Variants in SLCO3A1 observed in about 807,000 individuals in gnomAD.
SLCO3A1 encodes the protein solute carrier organic anion transporter family member 3A1.
Under a neutral mutation model 63.1 loss-of-function variants are expected in SLCO3A1, and 27 were observed. That is an observed-to-expected ratio of 0.43 (90% CI 0.32 to 0.59). The LOEUF (loss-of-function observed/expected upper bound fraction) is 0.59. SLCO3A1 is among the 20% of genes least tolerant of loss of function. SLCO3A1 has a pLI of 0.09. For synonymous variants in SLCO3A1, 473 were observed against 409.9 expected (o/e 1.15, Z -1.86); for missense variants, 773 against 945.8 (o/e 0.82, Z 2.40).
At chr15:92,149,984 C>T (rs781308409) in intron 8 of SLCO3A1, among the ~76,000 whole-genome samples, 1 of 152,178 alleles carries the variant, frequency 6.6e-6, no homozygotes, top group Non-Finnish European at 1.5e-5. Flanking sequence ...CTAAAGGGTG[C>T]TGACTGTGTT....
intron 2 of SLCO3A1, among the ~76,000 whole-genome samples, chr15:91,961,551 A>G (rs867829124): frequency 2.0e-5 from 3 of 152,156 alleles, no homozygotes; most frequent in East Asian, 1.9e-4. Flanking sequence ...CATATCTCAC[A>G]CTCATAGGCA....
chr15:92,010,843 C>A (rs2046361093), intron 2 of SLCO3A1, among the ~76,000 whole-genome samples: 1 of 152,196 alleles, frequency 6.6e-6, no homozygotes, highest in African/African-American at 2.4e-5. Context: ...ATGATCCAAT[C>A]AACTTTGTTC....
In SLCO3A1 at chr15:91,874,514, G is replaced by T. The variant is rs774787328; in HGVS notation, c.180+20426G>T. ...TACAGTGTTTGTCCTTTTGCAACGGGCTTGTTTCAGTCAGCATAATGTCCT... is the reference window on the plus strand; with the variant it reads ...TACAGTGTTTGTCCTTTTGCAACGGTCTTGTTTCAGTCAGCATAATGTCCT... On this transcript the variant is annotated intron_variant, in intron 1 of 9. Transcript: ENST00000318445. 2.0e-5 allele frequency among the ~76,000 whole-genome samples: 3 copies of T among 152,264 alleles called. No homozygotes were observed. The East Asian group carries it at 5.8e-4, about 29-fold the overall frequency.
At chr15:91,915,630 C>A (rs531256383) in intron 1 of SLCO3A1, among the ~76,000 whole-genome samples, 1 of 152,088 alleles carries the variant, frequency 6.6e-6, no homozygotes, top group Non-Finnish European at 1.5e-5. Flanking sequence ...GTGTGCAAAC[C>A]GCGCACTTCA....
At chr15:91,930,321 G>A (rs1267836068) in intron 2 of SLCO3A1, among the ~76,000 whole-genome samples, 1 of 152,154 alleles carries the variant, frequency 6.6e-6, no homozygotes, top group Non-Finnish European at 1.5e-5. Flanking sequence ...AATCCAGCCT[G>A]TCTCCAAGTT....
chr15:91,967,342 A>T lies in SLCO3A1; in HGVS notation c.646+50884A>T, dbSNP rs1439098498. Among the ~76,000 whole-genome samples, 1 of 152,204 alleles carries T rather than the reference A, an allele frequency of 6.6e-6. No individual in the cohort carries two copies. Among genetic ancestry groups the T allele is most frequent in the African/African-American group, 2.4e-5 (1 of 41,460 alleles). On this transcript the variant is annotated intron_variant, in intron 2 of 9. Transcript: ENST00000318445. This position sits in a 1 kb window ranked among gnomAD's most constrained non-coding sequence, Gnocchi z 4.4. ...TACTGTTTTCTAGATTAACTGCTCTACACAGAAATGAACAGCAGTATAGAT... is the reference window on the plus strand; with the variant it reads ...TACTGTTTTCTAGATTAACTGCTCTTCACAGAAATGAACAGCAGTATAGAT...
At chr15:91,903,103 T>G (rs1026635837) in intron 1 of SLCO3A1, among the ~76,000 whole-genome samples, 7 of 152,230 alleles carry the variant, frequency 4.6e-5, no homozygotes, top group African/African-American at 1.4e-4. Flanking sequence ...ATCCTTGGTC[T>G]GGTGGCTCGC....
At chr15:91,876,519 A>G (rs1266691014) in intron 1 of SLCO3A1, among the ~76,000 whole-genome samples, 1 of 152,246 alleles carries the variant, frequency 6.6e-6, no homozygotes, top group African/African-American at 2.4e-5. Context: ...GTGTTTTAAT[A>G]TAAAGTACTT....
chr15:91,871,497 A>G (rs555063382), intron 1 of SLCO3A1, among the ~76,000 whole-genome samples: 5 of 152,280 alleles, frequency 3.3e-5, no homozygotes, highest in African/African-American at 1.2e-4. Context: ...TTTATGCATC[A>G]TCTCATCCTT....
intron 7 of SLCO3A1, among the ~76,000 whole-genome samples, chr15:92,142,073 T>A (rs1328498106): frequency 6.6e-6 from 1 of 152,236 alleles, no homozygotes; most frequent in African/African-American, 2.4e-5. Flanking sequence ...TATGAATAAA[T>A]TAAATCTGAA....
chr15:91,944,942 A>T (rs774186728), intron 2 of SLCO3A1, among the ~76,000 whole-genome samples: 1 of 152,152 alleles, frequency 6.6e-6, no homozygotes, highest in Non-Finnish European at 1.5e-5. Context: ...TTTCTCCAAT[A>T]TTCTCTTTAA....
At chr15:91,904,941 A>G (rs956352095) in intron 1 of SLCO3A1, among the ~76,000 whole-genome samples, 2 of 152,234 alleles carry the variant, frequency 1.3e-5, no homozygotes, top group Non-Finnish European at 2.9e-5. Context: ...TGAGGAATTT[A>G]CATACAATGA....
At chr15:91,955,749 TG>T (rs1268605456) in intron 2 of SLCO3A1, among the ~76,000 whole-genome samples, 7 of 152,228 alleles carry the variant, frequency 4.6e-5, no homozygotes, top group African/African-American at 1.7e-4. Context: ...TCCCTCTTCA[TG>T]GCCATCATGT....
In SLCO3A1 at chr15:92,162,870, G is replaced by A. The variant is rs2048457322; in HGVS notation, c.1868G>A (p.Arg623Gln). The A allele has an allele frequency of 5.6e-6, 9 of 1,614,194 alleles. No homozygotes were observed. Among genetic ancestry groups the A allele is most frequent in the Admixed American group, 1.7e-5 (1 of 60,024 alleles). ...ACVLYDNVVY[R>Q]YLYVSIAIAL... is the part of the protein sequence containing the mutation. ...GTCCTCTACGACAATGTGGTCTACCGATACCTGTATGTCAGCATCGCCATC... is the reference window on the plus strand; with the variant it reads ...GTCCTCTACGACAATGTGGTCTACCAATACCTGTATGTCAGCATCGCCATC... The change falls in exon 10 of 10, where the codon CGA (arginine) becomes CAA (glutamine). Residue 623 changes from arginine (R) to glutamine (Q), a missense_variant. This residue lies in a region of SLCO3A1 where 139 missense variants were observed against 131.4 expected (regional missense o/e 1.06). Coordinates refer to ENST00000318445, the MANE Select transcript of SLCO3A1 (RefSeq NM_013272.4).
rs573714763 is a variant in SLCO3A1 at position 91,967,410 on chromosome 15, A to C, written c.646+50952A>C. On this transcript the variant is annotated intron_variant, in intron 2 of 9. Coordinates refer to ENST00000318445, the MANE Select transcript of SLCO3A1 (RefSeq NM_013272.4). The surrounding 1 kb of genome is among the most constrained non-coding windows in gnomAD (Gnocchi z 4.4). ...AATAACTCCCCCTGCTTGAAGCTTTATATGGTGATCTGTGGTAGAATGTCC... is the reference window on the plus strand; with the variant it reads ...AATAACTCCCCCTGCTTGAAGCTTTCTATGGTGATCTGTGGTAGAATGTCC... Among the ~76,000 whole-genome samples the C allele has an allele frequency of 1.1e-3, 173 of 152,250 alleles. No individual in the cohort carries two copies. The highest frequency in any genetic ancestry group is 3.9e-3 in the African/African-American group (163 of 41,548).
At position 91,968,886 on chromosome 15, in the gene SLCO3A1, C is replaced by T. The variant is rs1900756962; in HGVS notation, c.646+52428C>T. Among the ~76,000 whole-genome samples the T allele has an allele frequency of 6.6e-6, 1 of 152,140 alleles. No homozygotes were observed. ...CTGCATGGAGTCTCCTTTCTCTTTC[C>T]CCTACCCAGGGGATCTGGCAAACTC... On this transcript the variant is annotated intron_variant, in intron 2 of 9. Coordinates refer to ENST00000318445, the MANE Select transcript of SLCO3A1 (RefSeq NM_013272.4). The surrounding 1 kb of genome is among the most constrained non-coding windows in gnomAD (Gnocchi z 4.2).
At chr15:91,876,418 G>C (rs1326378168) in intron 1 of SLCO3A1, among the ~76,000 whole-genome samples, 1 of 152,228 alleles carries the variant, frequency 6.6e-6, no homozygotes, top group Non-Finnish European at 1.5e-5. Flanking sequence ...CTTCAAGGGA[G>C]CAAATGTCTG....
intron 2 of SLCO3A1, among the ~76,000 whole-genome samples, chr15:92,073,300 T>G (rs2047238559): frequency 6.6e-6 from 1 of 152,196 alleles, no homozygotes; most frequent in Non-Finnish European, 1.5e-5. Context: ...CTCGGTAGCA[T>G]GAGTTTACTC....
In SLCO3A1 at chr15:91,862,873, G is replaced by A. The variant is rs1326087778; in HGVS notation, c.180+8785G>A. Among the ~76,000 whole-genome samples, 1 of 152,194 alleles carries A rather than the reference G, an allele frequency of 6.6e-6. No homozygotes were observed. Among genetic ancestry groups the A allele is most frequent in the Non-Finnish European group, 1.5e-5 (1 of 68,044 alleles). ...CTACTGTAAAATATTAATGGGAATG[G>A]CTATTGTCTTTCACCCCCTTTGCAA... On this transcript the variant is annotated intron_variant, in intron 1 of 9. Coordinates refer to ENST00000318445, the MANE Select transcript of SLCO3A1 (RefSeq NM_013272.4). This position sits in a 1 kb window ranked among gnomAD's most constrained non-coding sequence, Gnocchi z 4.0.
Sources: gnomAD v4.1 joint callset for allele counts (sites outside exome capture counted in the v4.1 genomes callset) on GRCh38, gnomAD v4.1.1 for gene constraint, gnomAD v4.1.1 regional missense constraint, Gnocchi (gnomAD v3.1) non-coding constraint, MANE v1.5 for transcripts, NCBI Gene and HGNC (gene_info 2026-07-23, HGNC 2026-07-21) for gene names.